Variants in RDX observed in about 807,000 individuals in gnomAD.
RDX encodes deafness, autosomal recessive 24.
A neutral mutation model predicts 83.7 loss-of-function variants in RDX; 32 were observed. That is an observed-to-expected ratio of 0.38 (90% confidence interval 0.29 to 0.51). The LOEUF (loss-of-function observed/expected upper bound fraction) is 0.51. Among genes scored for constraint, RDX ranks in the 20% least tolerant of loss-of-function variants. The pLI, the probability that RDX is intolerant of heterozygous loss-of-function variation, is 0.87. For missense variants in RDX, 600 were observed against 689.9 expected, an observed-to-expected ratio of 0.87 and a Z score of 1.46; for synonymous variants, 229 against 222.7, an observed-to-expected ratio of 1.03 and a Z score of -0.25.
intron 14 of RDX, among the ~76,000 whole-genome samples, chr11:110,203,842 T>C (rs111843747): frequency 5.2e-4 from 79 of 152,244 alleles, no homozygotes; most frequent in African/African-American, 1.8e-3. Flanking sequence ...TAGAAAAATA[T>C]GTATATGTAT....
downstream of RDX, among the ~76,000 whole-genome samples, chr11:110,226,992 T>C (rs894380907): frequency 1.3e-5 from 2 of 152,110 alleles, no homozygotes. Context: ...TTTATGAAAA[T>C]AGCTAAAATT....
At chr11:110,215,502 G>A (rs970612467) in intron 14 of RDX, among the ~76,000 whole-genome samples, 7 of 151,996 alleles carry the variant, frequency 4.6e-5, no homozygotes, top group African/African-American at 1.7e-4. Context: ...CTTGAAAACA[G>A]GAGCACTAAA....
intron 3 of RDX, among the ~76,000 whole-genome samples, chr11:110,265,425 C>T (rs1859995233): frequency 6.6e-6 from 1 of 151,880 alleles, no homozygotes; most frequent in South Asian, 2.1e-4. Context: ...CACTTCAATC[C>T]TCTTACTTGA....
At chr11:110,279,584 T>G (rs1419431295) in intron 2 of RDX, 97 bp downstream of exon 2, 1 of 850,250 alleles carries the variant, frequency 1.2e-6, no homozygotes, top group Non-Finnish European at 2.0e-6. Flanking sequence ...TGCCTTTTTC[T>G]TCCAACAACT....
At chr11:110,261,623 GA>G (rs1015829654) in intron 5 of RDX, among the ~76,000 whole-genome samples, 2 of 148,562 alleles carry the variant, frequency 1.3e-5, no homozygotes, top group South Asian at 2.1e-4. Flanking sequence ...AACAGAAAAT[GA>G]AAAAAAAATG....
rs535793323 is a variant in RDX, at chr11:110,258,901, T to C, written c.468-712A>G. Among the ~76,000 whole-genome samples the C allele has an allele frequency of 1.2e-4, 16 of 134,888 alleles. No individual in the cohort carries two copies. In the South Asian group the frequency reaches 2.7e-3, roughly 23 times the overall value. 88.5% of individuals were successfully genotyped at this position (134,888 alleles called of 152,430 possible). ...TTTTTTTTTTTTTTGAGATGGAGTC[T>C]CGCTCTGTTGCCCAGGCTGGAGTGC... is the stretch of plus-strand genomic sequence containing the variant. On this transcript the variant is annotated intron_variant, in intron 5 of 13. Coordinates refer to ENST00000645495, the MANE Select transcript of RDX (RefSeq NM_002906.4).
At chr11:110,206,097 A>T (rs1863591111) in intron 14 of RDX, among the ~76,000 whole-genome samples, 1 of 152,042 alleles carries the variant, frequency 6.6e-6, no homozygotes, top group Admixed American at 6.6e-5. Flanking sequence ...CTCTACTAAA[A>T]ATAAAAAAAA....
intron 6 of RDX, 83 bp downstream of exon 6, chr11:110,258,023 T>A (rs929177673): frequency 1.8e-5 from 27 of 1,480,934 alleles, no homozygotes; most frequent in Non-Finnish European, 2.4e-5. Flanking sequence ...AACAATCTTT[T>A]GGAAATAATG....
intron 3 of RDX, among the ~76,000 whole-genome samples, chr11:110,265,518 AT>A (rs1331054442): frequency 2.2e-4 from 34 of 151,500 alleles, no homozygotes; most frequent in Non-Finnish European, 5.9e-5. Flanking sequence ...ATATATATAT[AT>A]AGTTTTCATA....
intron 14 of RDX, among the ~76,000 whole-genome samples, chr11:110,209,261 G>A (rs969535820): frequency 3.3e-5 from 5 of 151,900 alleles, no homozygotes; most frequent in Non-Finnish European, 7.4e-5. Flanking sequence ...ACTCCCACCC[G>A]AATACTGCGC....
At chr11:110,288,988 A>C (rs1437060675) in intron 1 of RDX, among the ~76,000 whole-genome samples, 1 of 152,272 alleles carries the variant, frequency 6.6e-6, no homozygotes, top group South Asian at 2.1e-4. Context: ...CTGCAATCCC[A>C]GCACTGTGGG....
chr11:110,283,802 T>C (rs962033611), intron 1 of RDX, among the ~76,000 whole-genome samples: 55 of 152,076 alleles, frequency 3.6e-4, no homozygotes, highest in Admixed American at 2.0e-3. Flanking sequence ...ATATAGGTTA[T>C]AATAAAAACA....
chr11:110,260,020 C>T (rs916699664), intron 5 of RDX, among the ~76,000 whole-genome samples: 17 of 150,752 alleles, frequency 1.1e-4, no homozygotes, highest in African/African-American at 4.1e-4. Context: ...GAGTTTCGCT[C>T]TTGTTGCCTA....
intron 2 of RDX, among the ~76,000 whole-genome samples, chr11:110,275,751 T>G (rs1860487503): frequency 6.6e-6 from 1 of 151,786 alleles, no homozygotes; most frequent in African/African-American, 2.4e-5. Flanking sequence ...TTTATAAATA[T>G]TTTACACACA....
chr11:110,198,579 T>C (rs1478906689), intron 15 of RDX, among the ~76,000 whole-genome samples: 2 of 152,174 alleles, frequency 1.3e-5, no homozygotes, highest in African/African-American at 4.8e-5. Flanking sequence ...GAGCGAACCC[T>C]ATTGTGAATT....
chr11:110,228,452 G>C (rs1456777353), downstream of RDX, among the ~76,000 whole-genome samples: 2 of 151,978 alleles, frequency 1.3e-5, no homozygotes, highest in East Asian at 3.8e-4. Context: ...TAACAGTACA[G>C]CTCCACACTG....
chr11:110,196,821 T>G (rs1306440933), intron 15 of RDX, among the ~76,000 whole-genome samples: 2 of 152,110 alleles, frequency 1.3e-5, no homozygotes, highest in Non-Finnish European at 2.9e-5. Context: ...TTGGGGTTGA[T>G]TAGTAATTTG....
intron 5 of RDX, among the ~76,000 whole-genome samples, chr11:110,259,062 C>T (rs1859683765): frequency 1.3e-5 from 2 of 151,948 alleles, no homozygotes; most frequent in South Asian, 2.1e-4. Flanking sequence ...GGATTACAGG[C>T]GTGCGCCATA....
chr11:110,201,811 C>T (rs1460605958), intron 14 of RDX, among the ~76,000 whole-genome samples: 1 of 152,152 alleles, frequency 6.6e-6, no homozygotes, highest in Non-Finnish European at 1.5e-5. Flanking sequence ...TCTTGGCTCA[C>T]TGCAACCTCT....
Sources: allele counts gnomAD v4.1 joint callset (sites outside exome capture counted in the v4.1 genomes callset), GRCh38; gene constraint gnomAD v4.1.1; transcripts MANE v1.5; gene names NCBI Gene and HGNC (gene_info 2026-07-23, HGNC 2026-07-21).